Variants in PDE4D observed in about 807,000 individuals in gnomAD.
The protein encoded by PDE4D is phosphodiesterase 4D.
Under a neutral mutation model 87.4 loss-of-function variants are expected in PDE4D, and 24 were observed. The observed-to-expected ratio is 0.27, with a 90% CI of 0.20 to 0.39. PDE4D has a LOEUF of 0.39. Ranked by LOEUF, PDE4D falls within the 10% of genes least tolerant of loss-of-function variation. PDE4D has a pLI of 1.00. For synonymous variants in PDE4D, 384 were observed against 383.2 expected, an observed-to-expected ratio of 1.00 and a Z score of -0.02; for missense variants, 714 against 1,041.0, an observed-to-expected ratio of 0.69 and a Z score of 4.32.
At chr5:59,682,876 C>T (rs1749254409) in intron 1 of PDE4D, among the ~76,000 whole-genome samples, 2 of 152,000 alleles carry the variant, frequency 1.3e-5, no homozygotes, top group Non-Finnish European at 2.9e-5. Context: ...TGTAATTCTC[C>T]AAAAATATAA....
chr5:60,015,677 A>G (rs1765435437), intron 2 of PDE4D, among the ~76,000 whole-genome samples: 1 of 152,120 alleles, frequency 6.6e-6, no homozygotes, highest in Non-Finnish European at 1.5e-5. Flanking sequence ...AAAATAGAGT[A>G]CCCTCCATAA....
intron 1 of PDE4D, among the ~76,000 whole-genome samples, chr5:60,324,759 A>G (rs981333903): frequency 6.6e-6 from 1 of 152,256 alleles, no homozygotes; most frequent in African/African-American, 2.4e-5. Flanking sequence ...TAGCTTCCTT[A>G]AGTCTGTATA....
intron 3 of PDE4D, among the ~76,000 whole-genome samples, chr5:59,977,678 T>G (rs1370981037): frequency 6.6e-6 from 1 of 152,158 alleles, no homozygotes; most frequent in Admixed American, 6.5e-5. Flanking sequence ...GGCACTACAC[T>G]AAACAACAGA....
intron 1 of PDE4D, among the ~76,000 whole-genome samples, chr5:59,770,218 C>A (rs888662874): frequency 6.6e-6 from 1 of 152,100 alleles, no homozygotes; most frequent in Non-Finnish European, 1.5e-5. Flanking sequence ...TATGTGTGTG[C>A]ATGTGTGTGT....
chr5:59,008,331 G>T (rs892391918), intron 6 of PDE4D, among the ~76,000 whole-genome samples: 4 of 151,908 alleles, frequency 2.6e-5, no homozygotes, highest in African/African-American at 7.2e-5. Flanking sequence ...GGTATGCTTT[G>T]TGGAAACAAT....
intron 1 of PDE4D, among the ~76,000 whole-genome samples, chr5:60,335,419 A>G (rs866325363): frequency 7.9e-5 from 12 of 152,240 alleles, no homozygotes; most frequent in Non-Finnish European, 1.6e-4. Context: ...ACCAAAAGAC[A>G]GAGGCCCTCT....
At chr5:59,431,953 C>T (rs1197327178) in intron 1 of PDE4D, among the ~76,000 whole-genome samples, 4 of 152,134 alleles carry the variant, frequency 2.6e-5, no homozygotes, top group East Asian at 3.9e-4. Flanking sequence ...GCAAAAGACA[C>T]GCTCTCATTC....
In PDE4D at chr5:59,982,738, C is replaced by T. The variant is rs144527107; in HGVS notation, c.272+5750G>A. On this transcript the variant is annotated intron_variant, in intron 3 of 16. Transcript: ENST00000502484. Reference sequence around the variant, plus strand: ...CAGAAATGTCACAAGTCCATAATAACTGTAACTTTCTGAAACAGGAGCCAA... The same window carrying T: ...CAGAAATGTCACAAGTCCATAATAATTGTAACTTTCTGAAACAGGAGCCAA... 4.7e-3 allele frequency among the ~76,000 whole-genome samples: 715 copies of T among 152,308 alleles called. 10 individuals are homozygous for T. Among genetic ancestry groups the T allele is most frequent in the African/African-American group, 0.016 (675 of 41,576 alleles).
At chr5:59,546,843 T>C (rs1370149383) in intron 1 of PDE4D, among the ~76,000 whole-genome samples, 1 of 152,190 alleles carries the variant, frequency 6.6e-6, no homozygotes, top group Middle Eastern at 3.2e-3. Flanking sequence ...TATCTCAGTA[T>C]GTAGTAACAC....
chr5:59,521,714 A>G lies in PDE4D; in HGVS notation c.456-305746T>C, dbSNP rs569024764. Reference sequence around the variant, plus strand: ...TTTAAAAGTTGCCTGTTCTAACACTAACTTCTTCCTCCCTCCCCAACCCAT... The same window carrying G: ...TTTAAAAGTTGCCTGTTCTAACACTGACTTCTTCCTCCCTCCCCAACCCAT... On this transcript the variant is annotated intron_variant, in intron 1 of 14. Coordinates refer to ENST00000340635, the MANE Select transcript of PDE4D (RefSeq NM_001104631.2). Among the ~76,000 whole-genome samples the G allele has an allele frequency of 1.4e-4, 22 of 152,304 alleles. 1 individual carries two copies. In the South Asian group the frequency reaches 4.4e-3, roughly 30 times the overall value.
At chr5:59,620,943 C>A (rs556844313) in intron 1 of PDE4D, among the ~76,000 whole-genome samples, 1 of 151,940 alleles carries the variant, frequency 6.6e-6, no homozygotes, top group Non-Finnish European at 1.5e-5. Flanking sequence ...ATAAATGGAA[C>A]AAGGATTGTA....
chr5:59,840,234 C>CCACACA (rs142164308), intron 1 of PDE4D, among the ~76,000 whole-genome samples: 1,483 of 145,086 alleles, frequency 0.01, 19 homozygotes, highest in African/African-American at 0.028. Context: ...ACGTGCACTG[C>CCACACA]CACACACACA....
chr5:59,859,521 T>C (rs1745944983), intron 1 of PDE4D, among the ~76,000 whole-genome samples: 1 of 152,218 alleles, frequency 6.6e-6, no homozygotes, highest in African/African-American at 2.4e-5. Flanking sequence ...CATAGCAACA[T>C]GTGTCATTTG....
At chr5:59,284,189 T>C (rs1014633874) in intron 1 of PDE4D, among the ~76,000 whole-genome samples, 18 of 152,184 alleles carry the variant, frequency 1.2e-4, no homozygotes, top group African/African-American at 1.7e-4. Context: ...CAATCTGAAT[T>C]AGGTGTCTGG....
At chr5:59,605,090 CAAACCCGT>C (rs1238572234) in intron 1 of PDE4D, among the ~76,000 whole-genome samples, 5 of 152,016 alleles carry the variant, frequency 3.3e-5, no homozygotes, top group Non-Finnish European at 7.4e-5. Context: ...CAGTAACTTC[CAAACCCGT>C]AAACATGTAA....
rs576668372 is a variant in PDE4D, at chr5:60,333,777, T to A, written c.-89-148090A>T. Among the ~76,000 whole-genome samples, 17 of 152,252 alleles carry A rather than the reference T, an allele frequency of 1.1e-4. No homozygotes were observed. The South Asian group carries it at 3.1e-3, about 28-fold the overall frequency. On this transcript the variant is annotated intron_variant, in intron 1 of 16. Transcript: ENST00000502484. ...CCATTTGATTGCAAATAATTCCAAT[T>A]CATCATAACTCACAAATCTCACCCA... is the stretch of plus-strand genomic sequence containing the variant.
intron 1 of PDE4D, among the ~76,000 whole-genome samples, chr5:60,385,906 C>T (rs922567572): frequency 6.6e-6 from 1 of 152,118 alleles, no homozygotes; most frequent in South Asian, 2.1e-4. Flanking sequence ...GCACTTCCAC[C>T]TGTGCCACTG....
In PDE4D at chr5:59,087,347, A is replaced by T. The variant is rs149867618; in HGVS notation, c.809-48376T>A. On this transcript the variant is annotated intron_variant, in intron 5 of 14. Transcript: ENST00000340635. ...AAAAATTTTTAAAAATTAGCCAGGC[A>T]CAGTGGTGCGTGCTTATAGTCCCAG... 7.0e-3 allele frequency among the ~76,000 whole-genome samples: 1,059 copies of T among 152,138 alleles called. 8 individuals are homozygous for T. The highest frequency in any genetic ancestry group is 9.7e-3 in the Non-Finnish European group (661 of 67,980).
intron 1 of PDE4D, among the ~76,000 whole-genome samples, chr5:59,596,116 C>A: frequency 6.6e-6 from 1 of 151,582 alleles, no homozygotes; most frequent in East Asian, 1.9e-4. Context: ...CCAAAGGCCC[C>A]ATCCACCACT....
Sources: gnomAD v4.1 joint callset for allele counts (sites outside exome capture counted in the v4.1 genomes callset) on GRCh38, gnomAD v4.1.1 for gene constraint, MANE v1.5 for transcripts, NCBI Gene and HGNC (gene_info 2026-07-23, HGNC 2026-07-21) for gene names.